CACNA1H: variants seen among roughly 807,000 people sequenced by gnomAD.
The protein encoded by CACNA1H is calcium voltage-gated channel subunit alpha1 H.
In CACNA1H, 149 loss-of-function variants were observed where a neutral mutation model predicts 192.5. The observed-to-expected ratio is 0.77, with a 90% CI of 0.68 to 0.89. The LOEUF (loss-of-function observed/expected upper bound fraction) is 0.89, where lower values mean the gene tolerates loss of function less well. CACNA1H is among the 40% of genes least tolerant of loss of function. The pLI, the probability that CACNA1H is intolerant of heterozygous loss-of-function variation, is 0.00. For synonymous variants in CACNA1H, 2,202 were observed against 1,475.2 expected, an observed-to-expected ratio of 1.49 and a Z score of -11.29; for missense variants, 4,257 against 3,423.5, an observed-to-expected ratio of 1.24 and a Z score of -6.08.
At position 1,216,981 on chromosome 16, in the gene CACNA1H, C is replaced by T. The variant is rs781759793; in HGVS notation, c.5294C>T (p.Ala1765Val). The T allele has an allele frequency of 1.8e-5, 29 of 1,601,142 alleles. No individual in the cohort carries two copies. Among genetic ancestry groups the T allele is most frequent in the South Asian group, 6.8e-5 (6 of 88,648 alleles). ...ATGCTCCTGTTTTTTATCTATGCTG[C>T]GCTGGGAGTGGAGCTGTTCGGGAGG... is the stretch of plus-strand genomic sequence containing the variant. ...LFMLLFFIYAALGVELFGRLE... is the reference protein window; with the variant it reads ...LFMLLFFIYAVLGVELFGRLE... The change falls in exon 31 of 35, where the codon GCG becomes GTG. Residue 1765 changes from alanine to valine, a missense_variant. Physicochemically the swap from Ala to Val is moderately conservative, Grantham distance 64 (BLOSUM62 0). Coordinates refer to ENST00000348261, the MANE Select transcript of CACNA1H (RefSeq NM_021098.3).
At chr16:1,207,913 T>C (rs1348332317) in intron 15 of CACNA1H, 53 bp downstream of exon 15, 2 of 1,547,446 alleles carry the variant, frequency 1.3e-6, no homozygotes, top group African/African-American at 2.7e-5. Context: ...TACGCTGGGC[T>C]GGCCGGGCAG....
intron 2 of CACNA1H, among the ~76,000 whole-genome samples, chr16:1,186,758 C>T (rs78879053): frequency 0.063 from 9,567 of 152,262 alleles, 882 homozygotes; most frequent in African/African-American, 0.2. Flanking sequence ...GAATGTGCCA[C>T]GGCAGTGGAG....
intron 2 of CACNA1H, among the ~76,000 whole-genome samples, chr16:1,160,391 G>A (rs1272032222): frequency 6.6e-6 from 1 of 152,198 alleles, no homozygotes; most frequent in Non-Finnish European, 1.5e-5. Context: ...AAGTCAGCCG[G>A]TCGCGCCCTG....
chr16:1,219,241 G>A (rs1029023160), intron 34 of CACNA1H, 111 bp downstream of exon 34: 9 of 1,107,710 alleles, frequency 8.1e-6, no homozygotes, highest in East Asian at 2.6e-5. Context: ...GAGGAGGGTC[G>A]CACTGGGTCC....
intron 2 of CACNA1H, among the ~76,000 whole-genome samples, chr16:1,173,273 G>C (rs1346596152): frequency 2.0e-5 from 3 of 152,152 alleles, no homozygotes; most frequent in African/African-American, 4.8e-5. Flanking sequence ...GGTTTGGGTG[G>C]GTGGCATCGG....
At position 1,221,390 on chromosome 16, in the gene CACNA1H, C is replaced by T. The variant is rs1192553553; in HGVS notation, c.*396C>T. Reference sequence around the variant, plus strand: ...GCTGGGGGCCCTGTGCCCTTGCCGGCGGCAGGTTGCAGCCACCGCGGCCCA... The same window carrying T: ...GCTGGGGGCCCTGTGCCCTTGCCGGTGGCAGGTTGCAGCCACCGCGGCCCA... On this transcript the variant is annotated 3_prime_UTR_variant, in exon 35 of 35. Transcript: ENST00000348261. 2.3e-5 allele frequency: 7 copies of T among 306,338 alleles called. No homozygotes were observed. Among genetic ancestry groups the T allele is most frequent in the Admixed American group, 1.4e-4 (3 of 21,302 alleles). The allele number at this position is 306,338 out of a possible 1,614,324, so 19.0% of individuals were successfully genotyped here.
chr16:1,165,536 C>CA (rs1316799888), intron 2 of CACNA1H, among the ~76,000 whole-genome samples: 1 of 117,832 alleles, frequency 8.5e-6, no homozygotes, highest in African/African-American at 6.4e-5. Flanking sequence ...GGCGCCTGGG[C>CA]CCCCCTCCCC....
chr16:1,209,512 A>C, intron 17 of CACNA1H, 100 bp downstream of exon 17: 1 of 1,433,188 alleles, frequency 7.0e-7, no homozygotes, highest in Non-Finnish European at 9.5e-7. Flanking sequence ...CGTGTTGTTG[A>C]CTGAGGGGAT....
Position 1,212,017 on chromosome 16 carries a change from G to A in CACNA1H, c.4638G>A (p.Val1546=), listed in dbSNP as rs556126113. 5 of 1,613,532 alleles carry A rather than the reference G, an allele frequency of 3.1e-6. No individual in the cohort carries two copies. The highest frequency in any genetic ancestry group is 3.3e-5 in the Admixed American group (2 of 60,028). The change falls in exon 25 of 35, where the codon GTG becomes GTA. Residue 1546 remains valine, a synonymous_variant. Coordinates refer to ENST00000348261, the MANE Select transcript of CACNA1H (RefSeq NM_021098.3). The part of the protein sequence containing the change: ...ISFLLIVSFF[V]LNMFVGVVVE... ...TCCTGCTCATCGTCAGCTTCTTCGT[G>A]CTCAACATGTTCGTGGGCGTCGTGG...
In CACNA1H at chr16:1,198,523, T is replaced by C. The variant is rs1967271474; in HGVS notation, c.644-92T>C. 3 of 1,423,930 alleles carry C rather than the reference T, an allele frequency of 2.1e-6. No individual in the cohort carries two copies. The East Asian group carries it at 6.9e-5, about 33-fold the overall frequency. 88.2% of individuals were successfully genotyped at this position (1,423,930 alleles called of 1,614,324 possible). ...GGGCGTGGACACCCACTGTGAACAG[T>C]GGACGGGGCTCGGGGGTCCCGGGAG... is the stretch of plus-strand genomic sequence containing the variant. On this transcript the variant is annotated intron_variant, in intron 5 of 34. Transcript: ENST00000348261.
rs2141318293 is a variant in CACNA1H, at chr16:1,208,199, C to T, written c.3341C>T (p.Pro1114Leu). The T allele has an allele frequency of 1.3e-6, 2 of 1,564,340 alleles. No individual in the cohort carries two copies. The highest frequency in any genetic ancestry group is 2.4e-5 in the East Asian group (1 of 41,844). The part of the protein sequence containing the change: ...RRGSSSSGDP[P>L]LGDQKPPASL... ...GGCAGCAGCAGCTCCGGGGACCCGCCACTGGGAGACCAGAAGCCTCCGGTA... is the reference window on the plus strand; with the variant it reads ...GGCAGCAGCAGCTCCGGGGACCCGCTACTGGGAGACCAGAAGCCTCCGGTA... The change falls in exon 16 of 35, where the codon CCA becomes CTA. Residue 1114 changes from proline (P) to leucine (L), a missense_variant. Physicochemically the swap from Pro to Leu is moderately conservative, Grantham distance 98. Transcript: ENST00000348261.
At chr16:1,163,747 G>A (rs866703463) in intron 2 of CACNA1H, among the ~76,000 whole-genome samples, 3 of 152,244 alleles carry the variant, frequency 2.0e-5, no homozygotes, top group South Asian at 2.1e-4. Context: ...CTGGGACCAC[G>A]CTTGCCCAAG....
In CACNA1H at chr16:1,180,926, G is replaced by A. The variant is rs1055161144; in HGVS notation, c.300-14046G>A. ...TGGCAGGGGCTCACCCCGTCTTCCC[G>A]CAGGAAAGCGCCTTGGCGGGACTGC... is the stretch of plus-strand genomic sequence containing the variant. On this transcript the variant is annotated intron_variant, in intron 2 of 34. Coordinates refer to ENST00000348261, the MANE Select transcript of CACNA1H (RefSeq NM_021098.3). This position sits in a 1 kb window ranked among gnomAD's most constrained non-coding sequence, Gnocchi z 4.4. Among the ~76,000 whole-genome samples the A allele has an allele frequency of 1.3e-5, 2 of 152,202 alleles. No homozygotes were observed. Among genetic ancestry groups the A allele is most frequent in the Non-Finnish European group, 2.9e-5 (2 of 68,014 alleles).
rs372152910 is a variant in CACNA1H at position 1,209,356 on chromosome 16, C to T, written c.3688C>T (p.Leu1230=). 74 of 1,597,938 alleles carry T rather than the reference C, an allele frequency of 4.6e-5. 1 individual carries two copies. Among genetic ancestry groups the T allele is most frequent in the Middle Eastern group, 1.6e-4 (1 of 6,080 alleles). The change falls in exon 17 of 35, where the codon CTG becomes TTG. Residue 1230 remains leucine, a synonymous_variant. Transcript: ENST00000348261. ...GGTGGCCCTGCCCAGCGACTTCTTC[C>T]TGCGCATCGACAGCCACCGTGAGGA... ...QVVALPSDFF[L]RIDSHREDAA...
rs377030217 is a variant in CACNA1H at position 1,210,360 on chromosome 16, G to T, written c.3846-10G>T. The T allele has an allele frequency of 2.6e-5, 4 of 155,994 alleles. No homozygotes were observed. Among genetic ancestry groups the T allele is most frequent in the South Asian group, 4.5e-5 (1 of 21,986 alleles). The allele number at this position is 155,994 out of a possible 1,614,324, so 9.7% of individuals were successfully genotyped here. On this transcript the variant is annotated splice_polypyrimidine_tract_variant and intron_variant, in intron 18 of 34. Transcript: ENST00000348261. ...CCCGCCCCACCTCTCACCCGCCCCC[G>T]CCCACCCAGGTTCCGCGTCTCCTGC...
At chr16:1,161,706 G>A (rs900752945) in intron 2 of CACNA1H, among the ~76,000 whole-genome samples, 3 of 152,192 alleles carry the variant, frequency 2.0e-5, no homozygotes, top group East Asian at 1.9e-4. Context: ...GGCCAGATGC[G>A]GTCCCGGGAG....
chr16:1,171,485 C>G (rs1352821764), intron 2 of CACNA1H, among the ~76,000 whole-genome samples: 1 of 152,200 alleles, frequency 6.6e-6, no homozygotes, highest in East Asian at 1.9e-4. Flanking sequence ...GGAGGAGGCC[C>G]GCGGGAAGCT....
At chr16:1,207,530 G>C in intron 14 of CACNA1H, 100 bp downstream of exon 14, 1 of 1,317,434 alleles carries the variant, frequency 7.6e-7, no homozygotes, top group Non-Finnish European at 1.1e-6. Context: ...CAAGAGGTGA[G>C]GGATAGAGAA....
At chr16:1,215,695 C>G in intron 30 of CACNA1H, 102 bp downstream of exon 30, 2 of 943,728 alleles carry the variant, frequency 2.1e-6, no homozygotes, top group Non-Finnish European at 3.2e-6. Context: ...TCTCTGGTCC[C>G]TCGGTTGTGT....
Sources: allele counts gnomAD v4.1 joint callset (sites outside exome capture counted in the v4.1 genomes callset), GRCh38; gene constraint gnomAD v4.1.1; non-coding constraint Gnocchi (gnomAD v3.1); transcripts MANE v1.5; gene names NCBI Gene and HGNC (gene_info 2026-07-23, HGNC 2026-07-21).